LRRC7: variants seen among roughly 807,000 people sequenced by gnomAD.
LRRC7 encodes the protein leucine rich repeat containing 7, also known as leucine-rich repeat-containing protein 7.
Under a neutral mutation model 175.7 loss-of-function variants are expected in LRRC7, and 23 were observed. The observed-to-expected ratio is 0.13, with a 90% confidence interval of 0.09 to 0.19. The LOEUF (loss-of-function observed/expected upper bound fraction) is 0.19. Ranked by LOEUF, LRRC7 falls within the 10% of genes least tolerant of loss-of-function variation. LRRC7 has a pLI of 1.00. For missense variants in LRRC7, 1,354 were observed against 1,904.7 expected, an observed-to-expected ratio of 0.71 and a Z score of 5.38; for synonymous variants, 685 against 680.9, an observed-to-expected ratio of 1.01 and a Z score of -0.09.
At chr1:70,080,924 G>C (rs987695867) in intron 24 of LRRC7, among the ~76,000 whole-genome samples, 22 of 152,118 alleles carry the variant, frequency 1.4e-4, no homozygotes, top group African/African-American at 5.3e-4. Context: ...TCTCTCCTTT[G>C]TGTCCCAGTG....
intron 7 of LRRC7, among the ~76,000 whole-genome samples, chr1:69,863,882 A>C (rs1334671015): frequency 6.6e-6 from 1 of 152,114 alleles, no homozygotes; most frequent in Non-Finnish European, 1.5e-5. Context: ...CATTCAAGAA[A>C]ATGTTTCTAC....
At chr1:69,851,134 A>C (rs973979686) in intron 7 of LRRC7, among the ~76,000 whole-genome samples, 1 of 152,172 alleles carries the variant, frequency 6.6e-6, no homozygotes, top group Non-Finnish European at 1.5e-5. Context: ...TGAGAAGTCA[A>C]TTAAGAAGGA....
intron 23 of LRRC7, among the ~76,000 whole-genome samples, chr1:70,074,327 A>G (rs1320003835): frequency 1.3e-5 from 2 of 152,236 alleles, no homozygotes; most frequent in African/African-American, 2.4e-5. Flanking sequence ...AAGATATTCC[A>G]TGGCAGCAAG....
rs369571342 is a variant in LRRC7, at chr1:69,960,023, T to A, written c.712-20356T>A. ...ATAGAATGAGTTAAGGAGGAGTCCC[T>A]CCTTTTTGATTTTTTGGAATAGTTT... On this transcript the variant is annotated intron_variant, in intron 8 of 26. Coordinates refer to ENST00000651989, the MANE Select transcript of LRRC7 (RefSeq NM_001370785.2). Among the ~76,000 whole-genome samples the A allele has an allele frequency of 5.3e-4, 80 of 152,254 alleles. 1 individual carries two copies. Among genetic ancestry groups the A allele is most frequent in the African/African-American group, 1.8e-3 (75 of 41,562 alleles).
chr1:69,919,393 A>G (rs1048378430), intron 7 of LRRC7: 2 of 642,758 alleles, frequency 3.1e-6, no homozygotes, highest in African/African-American at 1.8e-5. Flanking sequence ...TGGCTGGGAA[A>G]AGCGCATGAG....
chr1:69,701,202 A>T (rs1663300730), intron 2 of LRRC7, among the ~76,000 whole-genome samples: 1 of 152,230 alleles, frequency 6.6e-6, no homozygotes, highest in African/African-American at 2.4e-5. Context: ...GGTACTAAAA[A>T]GTACCCTAGA....
intron 23 of LRRC7, among the ~76,000 whole-genome samples, chr1:70,065,001 A>T (rs1304734064): frequency 6.6e-6 from 1 of 151,866 alleles, no homozygotes; most frequent in Non-Finnish European, 1.5e-5. Flanking sequence ...AAACTTCTTG[A>T]GTATATTCTC....
intron 8 of LRRC7, among the ~76,000 whole-genome samples, chr1:69,943,986 AC>A (rs1649028258): frequency 6.7e-6 from 1 of 149,444 alleles, no homozygotes; most frequent in African/African-American, 2.5e-5. Context: ...ACACACACAC[AC>A]AACATGAGAT....
intron 3 of LRRC7, among the ~76,000 whole-genome samples, chr1:69,766,757 A>G (rs1007148313): frequency 6.6e-6 from 1 of 152,130 alleles, no homozygotes; most frequent in Non-Finnish European, 1.5e-5. Flanking sequence ...ACACTCATAT[A>G]TGATTTTTAT....
At chr1:69,925,533 G>T (rs1647039848) in intron 7 of LRRC7, among the ~76,000 whole-genome samples, 1 of 152,012 alleles carries the variant, frequency 6.6e-6, no homozygotes, top group South Asian at 2.1e-4. Context: ...TCTTGGGAGG[G>T]TGTATGTGTC....
chr1:69,949,417 C>CA (rs1367848620), intron 8 of LRRC7, among the ~76,000 whole-genome samples: 1 of 151,970 alleles, frequency 6.6e-6, no homozygotes, highest in Admixed American at 6.6e-5. Context: ...ACTAAAAATA[C>CA]AAAAAATTAG....
chr1:69,623,616 T>C (rs1651002292), intron 1 of LRRC7, among the ~76,000 whole-genome samples: 1 of 150,068 alleles, frequency 6.7e-6, no homozygotes, highest in Non-Finnish European at 1.5e-5. Flanking sequence ...AATGGTACGA[T>C]CTCGGCTCAC....
At chr1:69,863,475 T>C (rs1340879054) in intron 7 of LRRC7, among the ~76,000 whole-genome samples, 2 of 152,234 alleles carry the variant, frequency 1.3e-5, no homozygotes, top group Admixed American at 1.3e-4. Flanking sequence ...TATGCATTAA[T>C]AGGTTGTACT....
At chr1:69,918,759 TA>T (rs1646794202) in intron 7 of LRRC7, among the ~76,000 whole-genome samples, 1 of 152,102 alleles carries the variant, frequency 6.6e-6, no homozygotes, top group African/African-American at 2.4e-5. Flanking sequence ...TGATGATAAT[TA>T]AAAACTGATG....
chr1:69,747,532 T>G (rs570889735), intron 2 of LRRC7, among the ~76,000 whole-genome samples: 1 of 152,302 alleles, frequency 6.6e-6, no homozygotes, highest in South Asian at 2.1e-4. Context: ...TGGTTTCTTT[T>G]GATTAAATTC....
chr1:70,023,158 C>A lies in LRRC7; in HGVS notation c.1578C>A (p.Gly526=). 6.8e-7 allele frequency: 1 copy of A among 1,469,386 alleles called. No individual in the cohort carries two copies. Among genetic ancestry groups the A allele is most frequent in the Non-Finnish European group, 9.1e-7 (1 of 1,095,290 alleles). The allele number at this position is 1,469,386 out of a possible 1,614,324, so 91.0% of individuals were successfully genotyped here. The change falls in exon 17 of 27, where the codon GGC becomes GGA. Residue 526 remains glycine, a synonymous_variant. Coordinates refer to ENST00000651989, the MANE Select transcript of LRRC7 (RefSeq NM_001370785.2). The stretch of plus-strand genomic sequence containing the variant: ...CCTGCCAAGCCCCCTGGGAAAGGGG[C>A]CAGCGTGGGATTACTCTCCAACCTG... The part of the protein sequence containing the change: ...DLSCQAPWER[G]QRGITLQPAR...
At chr1:69,783,221 A>G (rs1673976969) in intron 3 of LRRC7, among the ~76,000 whole-genome samples, 1 of 152,136 alleles carries the variant, frequency 6.6e-6, no homozygotes, top group Admixed American at 6.5e-5. Context: ...CCCTCTCTGT[A>G]AACATGGTTG....
At chr1:70,041,816 G>A (rs879394130) in intron 21 of LRRC7, among the ~76,000 whole-genome samples, 2 of 152,192 alleles carry the variant, frequency 1.3e-5, no homozygotes, top group Non-Finnish European at 2.9e-5. Context: ...TGACCCCAGC[G>A]ACTGAAAAGT....
intron 7 of LRRC7, among the ~76,000 whole-genome samples, chr1:69,897,782 T>C (rs1216064862): frequency 1.3e-5 from 2 of 152,220 alleles, no homozygotes; most frequent in Non-Finnish European, 2.9e-5. Flanking sequence ...GTAGCACGAT[T>C]GAACATGCCA....
Sources: allele counts gnomAD v4.1 joint callset (sites outside exome capture counted in the v4.1 genomes callset), GRCh38; gene constraint gnomAD v4.1.1; transcripts MANE v1.5; gene names NCBI Gene and HGNC (gene_info 2026-07-23, HGNC 2026-07-21).